Variants in TBCD observed in about 807,000 individuals in gnomAD.
The protein encoded by TBCD is tubulin folding cofactor D, also known as tubulin-specific chaperone D.
In TBCD, 105 loss-of-function variants were observed where a neutral mutation model predicts 169.3. The ratio of observed to expected loss-of-function variants is 0.62; its 90% CI spans 0.53 to 0.73. TBCD has a LOEUF of 0.73. TBCD is among the 30% of genes least tolerant of loss of function. The pLI is 0.00. For missense variants in TBCD, 1,444 were observed against 1,600.1 expected (o/e 0.90, Z 1.66); for synonymous variants, 700 against 643.9 (o/e 1.09, Z -1.32).
intron 13 of TBCD, among the ~76,000 whole-genome samples, chr17:82,847,092 C>G (rs993200766): frequency 2.0e-5 from 3 of 152,164 alleles, no homozygotes; most frequent in Non-Finnish European, 2.9e-5. Flanking sequence ...TGGCTCACGC[C>G]TGTAATCCCA....
chr17:82,797,711 T>C (rs1165700989), intron 7 of TBCD, 46 bp from the exon 8 acceptor site: 2 of 1,412,086 alleles, frequency 1.4e-6, no homozygotes, highest in Non-Finnish European at 1.9e-6. Flanking sequence ...TGTTTTAAAC[T>C]TCTATTTGTA....
intron 14 of TBCD, among the ~76,000 whole-genome samples, chr17:82,882,361 C>G (rs1018721960): frequency 6.6e-6 from 1 of 152,230 alleles, no homozygotes; most frequent in Non-Finnish European, 1.5e-5. Context: ...GAGACTGTGG[C>G]CCTGTGGCGT....
chr17:82,770,877 G>A (rs2048271630), intron 5 of TBCD, among the ~76,000 whole-genome samples: 1 of 151,968 alleles, frequency 6.6e-6, no homozygotes, highest in Non-Finnish European at 1.5e-5. Flanking sequence ...AGCCGGGAAT[G>A]GTGGCTAGTG....
In TBCD at chr17:82,891,053, C is replaced by T. The variant is rs564149611; in HGVS notation, c.1563+1356C>T. On this transcript the variant is annotated intron_variant, in intron 16 of 38. Coordinates refer to ENST00000355528, the MANE Select transcript of TBCD (RefSeq NM_005993.5). ...AGAGGGGCGTGCTGAGGCCAGAGCC[C>T]GGGGTGACGACCGTGCTGGGTGGGC... is the stretch of plus-strand genomic sequence containing the variant. Among the ~76,000 whole-genome samples, 5 of 152,338 alleles carry T rather than the reference C, an allele frequency of 3.3e-5. No individual in the cohort carries two copies. In the South Asian group the frequency reaches 6.2e-4, roughly 19 times the overall value.
rs745967642 is a variant in TBCD, at chr17:82,907,761, G to C, written c.1923G>C (p.Arg641Ser). ...ALYKLAAQEN[R>S]PVTDHLDEQA... ...CAGCTCTGTGTTTGAACTTCTGCAGGCCCGTCACGGACCATCTGGACGAGC... is the reference window on the plus strand; with the variant it reads ...CAGCTCTGTGTTTGAACTTCTGCAGCCCCGTCACGGACCATCTGGACGAGC... Residue 641 changes from arginine (R) to serine (S), a missense_variant and splice_region_variant, in exon 21 of 39, where the codon AGG (arginine) becomes AGC (serine). Physicochemically the swap from Arg to Ser is moderately radical, Grantham distance 110. Transcript: ENST00000355528. The C allele has an allele frequency of 6.2e-7, 1 of 1,613,750 alleles. No homozygotes were observed. The highest frequency in any genetic ancestry group is 2.2e-5 in the East Asian group (1 of 44,866).
chr17:82,892,816 T>A (rs150010249), intron 16 of TBCD, among the ~76,000 whole-genome samples: 1 of 152,188 alleles, frequency 6.6e-6, no homozygotes, highest in African/African-American at 2.4e-5. Context: ...TTATGTTGTT[T>A]CCAGAATTTC....
intron 13 of TBCD, among the ~76,000 whole-genome samples, chr17:82,822,387 G>A (rs1445765604): frequency 1.3e-5 from 2 of 152,230 alleles, no homozygotes; most frequent in Non-Finnish European, 2.9e-5. Flanking sequence ...AATAAGACTT[G>A]GGGAAGACCT....
At chr17:82,925,816 C>T (rs919903731) in intron 27 of TBCD, among the ~76,000 whole-genome samples, 3 of 152,192 alleles carry the variant, frequency 2.0e-5, no homozygotes, top group Non-Finnish European at 2.9e-5. Context: ...CTTCCTTTGT[C>T]AATACCCCAG....
At chr17:82,767,834 A>G (rs1244108667) in intron 4 of TBCD, among the ~76,000 whole-genome samples, 1 of 152,130 alleles carries the variant, frequency 6.6e-6, no homozygotes, top group Non-Finnish European at 1.5e-5. Context: ...AAACGCCTGT[A>G]GTCCCAGCTA....
intron 13 of TBCD, chr17:82,838,767 A>G: frequency 1.0e-6 from 1 of 985,464 alleles, no homozygotes; most frequent in South Asian, 4.7e-5. Context: ...GGAAGAATGG[A>G]TCCAGAAAAA....
chr17:82,818,675 T>C (rs2145011035), intron 13 of TBCD, among the ~76,000 whole-genome samples: 1 of 152,354 alleles, frequency 6.6e-6, no homozygotes, highest in East Asian at 1.9e-4. Flanking sequence ...CAGCTCATGC[T>C]CAGCCCTTCG....
At chr17:82,848,243 A>G (rs2055318175) in intron 13 of TBCD, among the ~76,000 whole-genome samples, 2 of 152,218 alleles carry the variant, frequency 1.3e-5, no homozygotes, top group Admixed American at 1.3e-4. Flanking sequence ...AGGCACCGTC[A>G]GAGTCAGAGG....
At chr17:82,842,004 G>T (rs899888188) in intron 13 of TBCD, among the ~76,000 whole-genome samples, 3 of 152,238 alleles carry the variant, frequency 2.0e-5, no homozygotes, top group Non-Finnish European at 2.9e-5. Flanking sequence ...CCTCCAGAAG[G>T]CTGGGCCGCA....
chr17:82,758,384 G>GGAAAAAAAAAAAAAA lies in TBCD; in HGVS notation c.235+2169_235+2170insGAAAAAAAAAAAAAA, dbSNP rs1555672563. Among the ~76,000 whole-genome samples, 16 of 25,016 alleles carry GGAAAAAAAAAAAAAA rather than the reference G, an allele frequency of 6.4e-4. 1 individual carries two copies. Among genetic ancestry groups the GGAAAAAAAAAAAAAA allele is most frequent in the Admixed American group, 2.3e-3 (3 of 1,288 alleles). 16.4% of individuals were successfully genotyped at this position (25,016 alleles called of 152,430 possible). On this transcript the variant is annotated intron_variant, in intron 2 of 38. Transcript: ENST00000355528. ...GGGCAACAAGAACGAAAACGTCTCGGAAAAAAAAAAAAAAAAAAATAAATA... is the reference window on the plus strand; with the variant it reads ...GGGCAACAAGAACGAAAACGTCTCGGGAAAAAAAAAAAAAAAAAAAAAAAAAAAAAAAAATAAATA...
intron 7 of TBCD, chr17:82,795,738 T>C: frequency 5.0e-6 from 2 of 398,076 alleles, no homozygotes; most frequent in Non-Finnish European, 6.8e-6. Flanking sequence ...GGCCGTTTGT[T>C]ACTGCCCTTT....
chr17:82,893,770 A>C, intron 17 of TBCD, 138 bp downstream of exon 17: 1 of 679,844 alleles, frequency 1.5e-6, no homozygotes, highest in Non-Finnish European at 2.4e-6. Context: ...AAAATTAAAA[A>C]TGGAATTGGG....
intron 13 of TBCD, among the ~76,000 whole-genome samples, chr17:82,866,745 G>C: frequency 6.6e-6 from 1 of 152,220 alleles, no homozygotes; most frequent in East Asian, 1.9e-4. Context: ...CTGCTGCTGG[G>C]ACTCAGCCCT....
intron 8 of TBCD, among the ~76,000 whole-genome samples, chr17:82,800,027 G>T (rs1166907576): frequency 3.5e-5 from 5 of 143,540 alleles, no homozygotes; most frequent in Non-Finnish European, 7.6e-5. Context: ...CCATCCCCCT[G>T]CTCTGTCCCC....
chr17:82,917,023 T>C (rs2061092695), intron 23 of TBCD, among the ~76,000 whole-genome samples: 1 of 128,224 alleles, frequency 7.8e-6, no homozygotes, highest in Non-Finnish European at 1.6e-5. Flanking sequence ...TCTTTTCTTT[T>C]CTTTTTTTTT....
Sources: gnomAD v4.1 joint callset for allele counts (sites outside exome capture counted in the v4.1 genomes callset) on GRCh38, gnomAD v4.1.1 for gene constraint, MANE v1.5 for transcripts, NCBI Gene and HGNC (gene_info 2026-07-23, HGNC 2026-07-21) for gene names.